Variants in TACR1 observed in about 807,000 individuals in gnomAD.
TACR1 encodes the protein tachykinin receptor 1.
A neutral mutation model predicts 35.8 loss-of-function variants in TACR1; 25 were observed. The ratio of observed to expected loss-of-function variants is 0.70; its 90% CI spans 0.51 to 0.98. The LOEUF (loss-of-function observed/expected upper bound fraction) is 0.98, where lower values mean the gene tolerates loss of function less well. Ranked by LOEUF, TACR1 falls within the 50% of genes least tolerant of loss-of-function variation. The pLI is 0.00. For synonymous variants in TACR1, 195 were observed against 206.7 expected, an observed-to-expected ratio of 0.94 and a Z score of 0.48; for missense variants, 478 against 522.9, an observed-to-expected ratio of 0.91 and a Z score of 0.84.
intron 1 of TACR1, among the ~76,000 whole-genome samples, chr2:75,176,682 T>C (rs1675428011): frequency 6.6e-6 from 1 of 152,112 alleles, no homozygotes; most frequent in African/African-American, 2.4e-5. Context: ...CCACAAGGCC[T>C]CTACCTTGTC....
At chr2:75,072,761 C>A (rs1488021533) in intron 2 of TACR1, among the ~76,000 whole-genome samples, 1 of 152,238 alleles carries the variant, frequency 6.6e-6, no homozygotes, top group Admixed American at 6.5e-5. Context: ...CAGCGCCTGG[C>A]ACACATCTGG....
chr2:75,061,140 TGAG>T (rs1445373038), intron 2 of TACR1, among the ~76,000 whole-genome samples: 2 of 147,818 alleles, frequency 1.4e-5, no homozygotes, highest in Non-Finnish European at 3.0e-5. Context: ...AAGATGGCCA[TGAG>T]AAGAGAGGAG....
intron 1 of TACR1, among the ~76,000 whole-genome samples, chr2:75,194,878 T>C (rs1425492214): frequency 2.0e-5 from 3 of 152,196 alleles, no homozygotes; most frequent in Non-Finnish European, 2.9e-5. Flanking sequence ...GCTATGTGCA[T>C]GGTTTCAAAT....
chr2:75,123,436 C>T (rs570566512), intron 1 of TACR1, among the ~76,000 whole-genome samples: 4 of 152,226 alleles, frequency 2.6e-5, no homozygotes, highest in South Asian at 2.1e-4. Flanking sequence ...ACTGGGCTTA[C>T]GGGGGATTGC....
chr2:75,160,245 T>C (rs907752079), intron 1 of TACR1, among the ~76,000 whole-genome samples: 4 of 95,600 alleles, frequency 4.2e-5, no homozygotes, highest in Non-Finnish European at 7.0e-5. Flanking sequence ...AATGAGTAAA[T>C]AGAAAAAAAA....
chr2:75,097,094 C>T (rs1366178670), intron 2 of TACR1, among the ~76,000 whole-genome samples: 4 of 152,212 alleles, frequency 2.6e-5, no homozygotes, highest in African/African-American at 7.2e-5. Flanking sequence ...TTACCACATG[C>T]ACTTCTGAGA....
intron 2 of TACR1, among the ~76,000 whole-genome samples, chr2:75,070,317 A>G (rs769247842): frequency 2.0e-5 from 3 of 151,568 alleles, no homozygotes; most frequent in Non-Finnish European, 4.4e-5. Context: ...AGGCTCATGT[A>G]AGTGCACTGC....
intron 2 of TACR1, among the ~76,000 whole-genome samples, chr2:75,057,867 A>G (rs1558538490): frequency 6.6e-6 from 1 of 152,236 alleles, no homozygotes; most frequent in Non-Finnish European, 1.5e-5. Context: ...TGAATTGTAC[A>G]CTATAAAATG....
At chr2:75,110,300 C>G (rs1673726490) in intron 2 of TACR1, among the ~76,000 whole-genome samples, 1 of 150,948 alleles carries the variant, frequency 6.6e-6, no homozygotes, top group African/African-American at 2.4e-5. Flanking sequence ...GATTTTTTTT[C>G]AAGTGATAAT....
At chr2:75,154,403 C>CGT (rs1674758639) in intron 1 of TACR1, 2 of 88,078 alleles carry the variant, frequency 2.3e-5, no homozygotes, top group African/African-American at 4.5e-5. Context: ...CAGCCAAGAG[C>CGT]GCGCACGCAC....
chr2:75,099,373 G>C (rs1469359763), intron 2 of TACR1, among the ~76,000 whole-genome samples: 1 of 152,134 alleles, frequency 6.6e-6, no homozygotes, highest in African/African-American at 2.4e-5. Context: ...TCACTTGCCT[G>C]AGTACCTCTG....
At chr2:75,176,408 C>T (rs1675420988) in intron 1 of TACR1, among the ~76,000 whole-genome samples, 1 of 151,626 alleles carries the variant, frequency 6.6e-6, no homozygotes, top group African/African-American at 2.4e-5. Flanking sequence ...GAGTCTTCTC[C>T]ACGCCAACAC....
chr2:75,170,854 G>C (rs529335987), intron 1 of TACR1, among the ~76,000 whole-genome samples: 5 of 152,328 alleles, frequency 3.3e-5, no homozygotes, highest in African/African-American at 9.6e-5. Flanking sequence ...AAGTGTTCAA[G>C]AGGTGAATTG....
chr2:75,111,753 A>G (rs1673753458), intron 2 of TACR1, among the ~76,000 whole-genome samples: 1 of 151,998 alleles, frequency 6.6e-6, no homozygotes. Context: ...GACAGTAAGA[A>G]TATATGTTTA....
At chr2:75,133,801 C>T (rs192337004) in intron 1 of TACR1, among the ~76,000 whole-genome samples, 43 of 152,288 alleles carry the variant, frequency 2.8e-4, no homozygotes, top group Admixed American at 1.2e-3. Flanking sequence ...ACCTACCGGG[C>T]TGCATTCCCA....
intron 2 of TACR1, among the ~76,000 whole-genome samples, chr2:75,109,393 T>G (rs1247751469): frequency 6.6e-6 from 1 of 152,136 alleles, no homozygotes; most frequent in African/African-American, 2.4e-5. Context: ...ATCTGGAATT[T>G]AAAGACTTGA....
At chr2:75,155,285 A>G (rs1450526186) in intron 1 of TACR1, among the ~76,000 whole-genome samples, 1 of 152,076 alleles carries the variant, frequency 6.6e-6, no homozygotes, top group Admixed American at 6.5e-5. Context: ...GTATGGCTTA[A>G]TGAGCCTCAA....
At chr2:75,060,050 G>A (rs564960635) in intron 2 of TACR1, among the ~76,000 whole-genome samples, 18 of 152,274 alleles carry the variant, frequency 1.2e-4, no homozygotes, top group African/African-American at 3.6e-4. Context: ...CTGGTTAATC[G>A]ATAAATTCAG....
At chr2:75,087,540 T>G (rs915571922) in intron 2 of TACR1, among the ~76,000 whole-genome samples, 1 of 152,220 alleles carries the variant, frequency 6.6e-6, no homozygotes, top group Non-Finnish European at 1.5e-5. Context: ...AACTTGAAAC[T>G]AATTAAAACC....
Sources: gnomAD v4.1 joint callset for allele counts (sites outside exome capture counted in the v4.1 genomes callset) on GRCh38, gnomAD v4.1.1 for gene constraint, MANE v1.5 for transcripts, NCBI Gene and HGNC (gene_info 2026-07-23, HGNC 2026-07-21) for gene names.